The following GRXCR2 variants were observed in gnomAD, a reference collection of about 807,000 sequenced individuals.
GRXCR2 encodes glutaredoxin and cysteine rich domain containing 2.
Under a neutral mutation model 24.8 loss-of-function variants are expected in GRXCR2, and 23 were observed. The ratio of observed to expected loss-of-function variants is 0.93; its 90% confidence interval spans 0.67 to 1.32. The LOEUF (loss-of-function observed/expected upper bound fraction) is 1.32. Ranked by LOEUF, GRXCR2 falls within the 40% of genes most tolerant of loss-of-function variation. GRXCR2 has a pLI of 0.00. For missense variants in GRXCR2, 315 were observed against 303.4 expected (o/e 1.04, Z -0.28); for synonymous variants, 130 against 116.1 (o/e 1.12, Z -0.77).
chr5:145,879,370 CAA>C (rs144743619), intron 2 of GRXCR2, among the ~76,000 whole-genome samples: 4,146 of 99,498 alleles, frequency 0.042, 76 homozygotes, highest in South Asian at 0.11. Flanking sequence ...AAATGCACAG[CAA>C]AAAAAAAAAA....
At position 145,899,567 on chromosome 5, in the gene GRXCR2, A is replaced by T. The variant is rs11950983; in HGVS notation, c.-69-32839T>A. On this transcript the variant is annotated intron_variant, in intron 2 of 3. Coordinates refer to the GRXCR2 transcript ENST00000639411. ...TACTGATACAAAAACAGATACATAA[A>T]CCTATGGAACAAAATAAAGAGCCCA... Among the ~76,000 whole-genome samples, 14 of 152,154 alleles carry T rather than the reference A, an allele frequency of 9.2e-5. 1 individual carries two copies. Among genetic ancestry groups the T allele is most frequent in the African/African-American group, 3.4e-4 (14 of 41,504 alleles).
chr5:145,858,181 G>T (rs1756268988), downstream of GRXCR2, among the ~76,000 whole-genome samples: 1 of 152,064 alleles, frequency 6.6e-6, no homozygotes, highest in African/African-American at 2.4e-5. Context: ...GGGAGTGGTG[G>T]CATGTGCCTG....
At chr5:145,909,241 T>A (rs1757131236) in intron 2 of GRXCR2, among the ~76,000 whole-genome samples, 2 of 152,260 alleles carry the variant, frequency 1.3e-5, no homozygotes, top group African/African-American at 4.8e-5. Context: ...ACTGCCATAT[T>A]ATAGCTGTTG....
In GRXCR2 at chr5:145,902,399, C is replaced by T. The variant is rs1026665104; in HGVS notation, c.-70+33302G>A. Among the ~76,000 whole-genome samples, 8 of 152,224 alleles carry T rather than the reference C, an allele frequency of 5.3e-5. No homozygotes were observed. The South Asian group carries it at 1.0e-3, about 20-fold the overall frequency. On this transcript the variant is annotated intron_variant, in intron 2 of 3. Transcript: ENST00000639411. ...ATTATAGAATGTGATCCAATGTGCC[C>T]GGCCAAACTAGTTCTTTATAAACTA...
In GRXCR2 at chr5:145,859,842, C is replaced by T; in HGVS notation, c.638G>A (p.Gly213Asp). 6.2e-7 allele frequency: 1 copy of T among 1,613,392 alleles called. No individual in the cohort carries two copies. Among genetic ancestry groups the T allele is most frequent in the Non-Finnish European group, 8.5e-7 (1 of 1,179,656 alleles). ...GTTGGCCAGCATCGAGAACTTGCTG[C>T]CGTGGCACAGAGAGCAGGTGGCACT... ...SGSATCSLCH[G>D]SKFSMLANRF... The change falls in exon 3 of 3, where the codon GGC becomes GAC. Residue 213 changes from glycine (G) to aspartate (D), a missense_variant. Coordinates refer to ENST00000377976, the MANE Select transcript of GRXCR2 (RefSeq NM_001080516.2).
upstream of GRXCR2, among the ~76,000 whole-genome samples, chr5:145,873,477 G>T (rs958147925): frequency 3.3e-5 from 5 of 152,146 alleles, no homozygotes; most frequent in African/African-American, 9.7e-5. Context: ...GGAAAGTGAG[G>T]CTTAGAGCCA....
At chr5:145,888,820 T>C (rs984478876) in intron 2 of GRXCR2, among the ~76,000 whole-genome samples, 3 of 152,164 alleles carry the variant, frequency 2.0e-5, no homozygotes, top group East Asian at 1.9e-4. Context: ...TGTGTGTGTA[T>C]AGCTTTACAA....
At chr5:145,918,384 G>A (rs767076006) in intron 2 of GRXCR2, among the ~76,000 whole-genome samples, 3 of 152,310 alleles carry the variant, frequency 2.0e-5, no homozygotes, top group Non-Finnish European at 2.9e-5. Flanking sequence ...CAAGTCTACA[G>A]CTCAGCAAAG....
chr5:145,877,892 C>A (rs550417444), upstream of GRXCR2, among the ~76,000 whole-genome samples: 11 of 152,272 alleles, frequency 7.2e-5, no homozygotes, highest in African/African-American at 2.6e-4. Context: ...CTGGTGATAC[C>A]CAGGCAAACA....
intron 2 of GRXCR2, among the ~76,000 whole-genome samples, chr5:145,893,267 G>A (rs940025761): frequency 1.3e-4 from 20 of 152,090 alleles, no homozygotes; most frequent in East Asian, 1.9e-4. Flanking sequence ...GACAGGATCA[G>A]ATTCACACAT....
chr5:145,864,840 T>A (rs1326863579), intron 2 of GRXCR2, among the ~76,000 whole-genome samples: 1 of 152,150 alleles, frequency 6.6e-6, no homozygotes, highest in Non-Finnish European at 1.5e-5. Flanking sequence ...CTAATCAGAT[T>A]ACATTTAAAA....
chr5:145,912,829 A>G (rs758545583), intron 2 of GRXCR2, among the ~76,000 whole-genome samples: 2 of 152,150 alleles, frequency 1.3e-5, no homozygotes, highest in Non-Finnish European at 2.9e-5. Context: ...CAGCTTGGAC[A>G]AGCAGAGATG....
intron 2 of GRXCR2, among the ~76,000 whole-genome samples, chr5:145,926,895 T>C (rs1259429809): frequency 6.6e-6 from 1 of 152,224 alleles, no homozygotes; most frequent in Non-Finnish European, 1.5e-5. Context: ...GTATCCTCTT[T>C]TATTTCCTTG....
At chr5:145,900,660 G>C (rs1156356324) in intron 2 of GRXCR2, among the ~76,000 whole-genome samples, 1 of 152,206 alleles carries the variant, frequency 6.6e-6, no homozygotes, top group African/African-American at 2.4e-5. Context: ...CAAGGCTGCA[G>C]AGAAAAGGGA....
Position 145,872,836 on chromosome 5 carries a change from G to T in GRXCR2, c.133C>A (p.Pro45Thr). ...AAACTGTGAGGGTATTCCTCCTTTG[G>T]TGACTCTAATTCCTGCCCATCCTCA... ...VFEDGQELES[P>T]KEEYPHSFLQ... is the part of the protein sequence containing the mutation. The change falls in exon 1 of 3, where the codon CCA becomes ACA. Residue 45 changes from proline (P) to threonine (T), a missense_variant. Coordinates refer to ENST00000377976, the MANE Select transcript of GRXCR2 (RefSeq NM_001080516.2). The T allele has an allele frequency of 6.2e-7, 1 of 1,614,124 alleles. No individual in the cohort carries two copies. The highest frequency in any genetic ancestry group is 1.1e-5 in the South Asian group (1 of 91,074).
At chr5:145,924,840 A>G (rs998453416) in intron 2 of GRXCR2, among the ~76,000 whole-genome samples, 2 of 152,214 alleles carry the variant, frequency 1.3e-5, no homozygotes, top group African/African-American at 4.8e-5. Context: ...AAAGTTTTAC[A>G]GGGTGTAGCA....
chr5:145,865,230 C>G (rs1198853975), intron 2 of GRXCR2, among the ~76,000 whole-genome samples: 3 of 152,110 alleles, frequency 2.0e-5, no homozygotes, highest in Non-Finnish European at 4.4e-5. Flanking sequence ...AACATCAAGT[C>G]CCAGGAGATG....
intron 2 of GRXCR2, among the ~76,000 whole-genome samples, chr5:145,863,161 C>T (rs1470503656): frequency 2.0e-5 from 3 of 152,206 alleles, no homozygotes; most frequent in Non-Finnish European, 4.4e-5. Flanking sequence ...GGCTTTCAGC[C>T]TTGCCCTACT....
In GRXCR2 at chr5:145,893,017, A is replaced by G. The variant is rs1461299855; in HGVS notation, c.-69-26289T>C. On this transcript the variant is annotated intron_variant, in intron 2 of 3. Transcript: ENST00000639411. ...AAAAGAATTTTCAACCCACAATTTC[A>G]TATCCAGCCAAACTAAGCTTCATAA... 2.0e-5 allele frequency among the ~76,000 whole-genome samples: 3 copies of G among 152,328 alleles called. No homozygotes were observed. In the East Asian group the frequency reaches 5.8e-4, roughly 29 times the overall value.
Sources: allele counts gnomAD v4.1 joint callset (sites outside exome capture counted in the v4.1 genomes callset), GRCh38; gene constraint gnomAD v4.1.1; transcripts MANE v1.5; gene names NCBI Gene and HGNC (gene_info 2026-07-23, HGNC 2026-07-21).